The following PDE4D variants were observed in gnomAD, a reference collection of about 807,000 sequenced individuals.
PDE4D encodes the protein 3',5'-cyclic-AMP phosphodiesterase 4D.
In PDE4D, 24 loss-of-function variants were observed where a neutral mutation model predicts 87.4. The observed-to-expected ratio is 0.27, with a 90% CI of 0.20 to 0.39. The LOEUF (loss-of-function observed/expected upper bound fraction) is 0.39. Ranked by LOEUF, PDE4D falls within the 10% of genes least tolerant of loss-of-function variation. The pLI is 1.00. For synonymous variants in PDE4D, 384 were observed against 383.2 expected (o/e 1.00, Z -0.02); for missense variants, 714 against 1,041.0 (o/e 0.69, Z 4.32).
chr5:60,385,226 G>A (rs1005683802), intron 1 of PDE4D, among the ~76,000 whole-genome samples: 4 of 152,134 alleles, frequency 2.6e-5, no homozygotes, highest in Admixed American at 2.6e-4. Flanking sequence ...AATGTAGGAG[G>A]GTATGGAAGA....
In PDE4D at chr5:58,969,462, C is replaced by T. The variant is rs1355036693; in HGVS notation, c.*5202G>A. 6.6e-6 allele frequency: 1 copy of T among 152,146 alleles called. No individual in the cohort carries two copies. The highest frequency in any genetic ancestry group is 1.5e-5 in the Non-Finnish European group (1 of 68,030). The allele number at this position is 152,146 out of a possible 1,614,324, so 9.4% of individuals were successfully genotyped here. On this transcript the variant is annotated 3_prime_UTR_variant, in exon 15 of 15. Transcript: ENST00000340635. ...TTGCAAATGTTTCTTGTCTGGATCC[C>T]CTTCCTCTTCCTGTCAACTTTTTCC...
intron 5 of PDE4D, among the ~76,000 whole-genome samples, chr5:59,081,905 T>C (rs189221805): frequency 6.6e-6 from 1 of 152,140 alleles, no homozygotes; most frequent in South Asian, 2.1e-4. Flanking sequence ...AATTGAATCA[T>C]AGGGCAGTTT....
At chr5:59,121,970 C>T (rs1774581716) in intron 5 of PDE4D, among the ~76,000 whole-genome samples, 1 of 151,806 alleles carries the variant, frequency 6.6e-6, no homozygotes, top group Admixed American at 6.6e-5. Context: ...GGTGAAACCC[C>T]ATCTCTTCTT....
intron 2 of PDE4D, among the ~76,000 whole-genome samples, chr5:60,159,818 G>A (rs114762947): frequency 6.6e-6 from 1 of 152,182 alleles, no homozygotes; most frequent in Non-Finnish European, 1.5e-5. Context: ...GGAATGAGAT[G>A]TCAGGAGAAT....
chr5:60,056,531 G>A (rs1430516418), intron 2 of PDE4D, among the ~76,000 whole-genome samples: 2 of 152,002 alleles, frequency 1.3e-5, no homozygotes, highest in Non-Finnish European at 1.5e-5. Flanking sequence ...TATGTGGAGG[G>A]GAGGGAGGGG....
intron 1 of PDE4D, among the ~76,000 whole-genome samples, chr5:59,667,403 C>G (rs1284352220): frequency 6.6e-6 from 1 of 152,110 alleles, no homozygotes; most frequent in Non-Finnish European, 1.5e-5. Flanking sequence ...CCTTGACCTC[C>G]TGGGCTCAAT....
At chr5:59,418,204 A>G (rs930997195) in intron 1 of PDE4D, among the ~76,000 whole-genome samples, 1 of 152,094 alleles carries the variant, frequency 6.6e-6, no homozygotes, top group African/African-American at 2.4e-5. Context: ...TCTCTTCAAA[A>G]TCTTTAATAG....
chr5:59,635,344 T>A (rs1307202616), intron 1 of PDE4D, among the ~76,000 whole-genome samples: 3 of 152,172 alleles, frequency 2.0e-5, no homozygotes, highest in Non-Finnish European at 4.4e-5. Flanking sequence ...TCTGAAACTA[T>A]TCCAATCAAT....
At chr5:59,589,488 T>TA (rs1825626866) in intron 1 of PDE4D, among the ~76,000 whole-genome samples, 2 of 152,206 alleles carry the variant, frequency 1.3e-5, no homozygotes, top group Non-Finnish European at 2.9e-5. Flanking sequence ...TTAATTATTT[T>TA]AAAACTAACA....
intron 1 of PDE4D, among the ~76,000 whole-genome samples, chr5:60,391,392 T>C (rs1249588830): frequency 6.6e-6 from 1 of 152,082 alleles, no homozygotes; most frequent in Non-Finnish European, 1.5e-5. Flanking sequence ...CAAAAGTTTA[T>C]CATGCCACAG....
chr5:59,920,752 T>C (rs1754569857), intron 3 of PDE4D, among the ~76,000 whole-genome samples: 1 of 150,996 alleles, frequency 6.6e-6, no homozygotes, highest in Admixed American at 6.7e-5. Context: ...GAGCAAAGTA[T>C]AGCAAGGACA....
intron 2 of PDE4D, among the ~76,000 whole-genome samples, chr5:59,200,115 A>C (rs1297689497): frequency 1.6e-5 from 2 of 127,560 alleles, no homozygotes; most frequent in East Asian, 4.3e-4. Flanking sequence ...ATGCACACAC[A>C]TACATGCATG....
intron 1 of PDE4D, among the ~76,000 whole-genome samples, chr5:59,558,301 G>A (rs541364407): frequency 1.3e-5 from 2 of 152,152 alleles, no homozygotes; most frequent in East Asian, 1.9e-4. Flanking sequence ...CTTTAGCAGG[G>A]GAGTCTGGGA....
chr5:59,734,428 TCAAGTAAGAGA>T (rs1306954650), intron 1 of PDE4D, among the ~76,000 whole-genome samples: 4 of 152,160 alleles, frequency 2.6e-5, no homozygotes, highest in Admixed American at 1.3e-4. Flanking sequence ...TGAAGTTCCT[TCAAGTAAGAGA>T]CATTACAGTG....
chr5:60,395,211 G>A (rs1762809080), intron 1 of PDE4D, among the ~76,000 whole-genome samples: 1 of 152,078 alleles, frequency 6.6e-6, no homozygotes, highest in Non-Finnish European at 1.5e-5. Context: ...CGTACCAGCA[G>A]AAATCTGACA....
At chr5:60,229,906 AT>A (rs761389905) in intron 1 of PDE4D, among the ~76,000 whole-genome samples, 5 of 152,150 alleles carry the variant, frequency 3.3e-5, no homozygotes, top group Non-Finnish European at 5.9e-5. Context: ...ATCAGTTTGG[AT>A]AAAAAATAGT....
chr5:60,123,423 T>G lies in PDE4D; in HGVS notation c.42+62134A>C, dbSNP rs537418426. Among the ~76,000 whole-genome samples, 4 of 152,278 alleles carry G rather than the reference T, an allele frequency of 2.6e-5. No homozygotes were observed. In the South Asian group the frequency reaches 6.2e-4, roughly 24 times the overall value. On this transcript the variant is annotated intron_variant, in intron 2 of 16. Transcript: ENST00000502484. ...ATGGCAGGAGGCAAAAGGTACTTCT[T>G]ACACGTCAGTGGCAAGAGAAAATGA...
At chr5:60,095,559 T>C (rs574497221) in intron 2 of PDE4D, among the ~76,000 whole-genome samples, 22 of 152,348 alleles carry the variant, frequency 1.4e-4, no homozygotes, top group Admixed American at 1.4e-3. Context: ...CCTTTGGATA[T>C]ATACCCAGTA....
At chr5:59,016,390 C>CTTTTTTTTTTTTTTTTTTTTTTTTTTTTT (rs35622981) in intron 6 of PDE4D, among the ~76,000 whole-genome samples, 1 of 78,598 alleles carries the variant, frequency 1.3e-5, no homozygotes. Context: ...TCAGTCTGTT[C>CTTTTTTTTTTTTTTTTTTTTTTTTTTTTT]TTTTTTTTTT....
Sources: gnomAD v4.1 joint callset for allele counts (sites outside exome capture counted in the v4.1 genomes callset) on GRCh38, gnomAD v4.1.1 for gene constraint, MANE v1.5 for transcripts, NCBI Gene and HGNC (gene_info 2026-07-23, HGNC 2026-07-21) for gene names.